The following TLR2 variants were observed in gnomAD, a reference collection of about 807,000 sequenced individuals.
TLR2 encodes the protein toll-like receptor 2.
TLR2 carries 7 observed loss-of-function variants against 9.1 expected under a neutral mutation model. The ratio of observed to expected loss-of-function variants is 0.77; its 90% CI spans 0.44 to 1.44. TLR2 has a LOEUF of 1.44. TLR2 is among the 40% of genes most tolerant of loss of function. The pLI, the probability that TLR2 is intolerant of heterozygous loss-of-function variation, is 0.01. For missense variants in TLR2, 812 were observed against 904.6 expected (o/e 0.90, Z 1.31); for synonymous variants, 317 against 344.6 (o/e 0.92, Z 0.89).
At chr4:153,693,789 G>C (rs747923330) in intron 2 of TLR2, among the ~76,000 whole-genome samples, 8 of 152,164 alleles carry the variant, frequency 5.3e-5, no homozygotes, top group Non-Finnish European at 1.0e-4. Context: ...ATGCTTCCGA[G>C]CTCCCCTTCT....
intron 2 of TLR2, 128 bp from the exon 3 acceptor site, chr4:153,702,762 TTG>T (rs141605367): frequency 0.13 from 54,514 of 411,208 alleles, 2,770 homozygotes; most frequent in Non-Finnish European, 0.15. Context: ...CTCTCTCTCT[TTG>T]TGTGTGTGTG....
downstream of TLR2, chr4:153,710,524 G>C: frequency 6.3e-7 from 1 of 1,594,642 alleles, no homozygotes; most frequent in South Asian, 1.1e-5. Flanking sequence ...TCTATATACA[G>C]CCAAGTAGCA....
chr4:153,704,002 G>A lies in TLR2; in HGVS notation c.1095G>A (p.Leu365=). 2 of 1,613,862 alleles carry A rather than the reference G, an allele frequency of 1.2e-6. No homozygotes were observed. The highest frequency in any genetic ancestry group is 1.7e-6 in the Non-Finnish European group (2 of 1,179,966). The part of the protein sequence containing the change: ...LSQHLKSLEY[L]DLSENLMVEE... The stretch of plus-strand genomic sequence containing the variant: ...AACATTTAAAATCATTAGAATACTT[G>A]GATCTCAGTGAAAATTTGATGGTTG... The change falls in exon 3 of 3, where the codon TTG becomes TTA. Residue 365 remains leucine (L), a synonymous_variant. Transcript: ENST00000642700.
chr4:153,706,744 T>C (rs191519605), downstream of TLR2, among the ~76,000 whole-genome samples: 2 of 152,336 alleles, frequency 1.3e-5, no homozygotes, highest in Non-Finnish European at 2.9e-5. Context: ...TGTGGTTAAT[T>C]GGGCACTAGA....
chr4:153,698,349 A>T (rs563757686), intron 2 of TLR2, among the ~76,000 whole-genome samples: 1 of 152,338 alleles, frequency 6.6e-6, no homozygotes, highest in South Asian at 2.1e-4. Context: ...AATTTGAAAG[A>T]ACACTATAAT....
In TLR2 at chr4:153,684,921, C is replaced by G. The variant is rs533416027; in HGVS notation, c.-163+561C>G. Among the ~76,000 whole-genome samples the G allele has an allele frequency of 3.3e-5, 5 of 152,320 alleles. 1 individual carries two copies. In the South Asian group the frequency reaches 1.0e-3, roughly 32 times the overall value. ...CCCCGCCTCCTGGCCCCTCTTGGCT[C>G]GGATGACAAAGATTGGGTAAAGGCT... is the stretch of plus-strand genomic sequence containing the variant. On this transcript the variant is annotated intron_variant, in intron 1 of 2. Coordinates refer to ENST00000642700, the MANE Select transcript of TLR2 (RefSeq NM_001318789.2).
chr4:153,699,633 G>T lies in TLR2; in HGVS notation c.-16-3259G>T, dbSNP rs1463793853. On this transcript the variant is annotated intron_variant, in intron 2 of 2. Coordinates refer to ENST00000642700, the MANE Select transcript of TLR2 (RefSeq NM_001318789.2). ...TGGTTTGTAGTGGGGCAGGGGGTGT[G>T]ATAGGGGACACTGTGTATAATAGCT... Among the ~76,000 whole-genome samples the T allele has an allele frequency of 3.9e-5, 6 of 152,160 alleles. 1 individual carries two copies. Among genetic ancestry groups the T allele is most frequent in the Admixed American group, 3.9e-4 (6 of 15,278 alleles).
In TLR2 at chr4:153,704,913, C is replaced by A. The variant is rs145936474; in HGVS notation, c.2006C>A (p.Pro669His). 7.4e-6 allele frequency: 12 copies of A among 1,613,324 alleles called. No individual in the cohort carries two copies. Among genetic ancestry groups the A allele is most frequent in the South Asian group, 1.1e-5 (1 of 91,048 alleles). ...CAGGAGCTGGAGAACTTCAATCCCCCCTTCAAGTTGTGTCTTCATAAGCGG... is the reference window on the plus strand; with the variant it reads ...CAGGAGCTGGAGAACTTCAATCCCCACTTCAAGTTGTGTCTTCATAAGCGG... The part of the protein sequence containing the change: ...MVQELENFNP[P>H]FKLCLHKRDF... The change falls in exon 3 of 3, where the codon CCC becomes CAC. Residue 669 changes from proline (P) to histidine (H), a missense_variant. Transcript: ENST00000642700.
At chr4:153,685,749 G>C (rs1735659913) in intron 1 of TLR2, among the ~76,000 whole-genome samples, 1 of 152,122 alleles carries the variant, frequency 6.6e-6, no homozygotes, top group Non-Finnish European at 1.5e-5. Flanking sequence ...TAAACTAACA[G>C]AGTAGAAAAA....
chr4:153,686,527 T>G (rs1206294363), intron 1 of TLR2, among the ~76,000 whole-genome samples: 2 of 152,178 alleles, frequency 1.3e-5, no homozygotes, highest in African/African-American at 4.8e-5. Context: ...AGTGAACAGA[T>G]GCAACCATTT....
chr4:153,692,870 A>C (rs1262245298), intron 2 of TLR2, among the ~76,000 whole-genome samples: 1 of 152,244 alleles, frequency 6.6e-6, no homozygotes, highest in African/African-American at 2.4e-5. Context: ...TGAATTGACC[A>C]TGCAGATGGC....
intron 2 of TLR2, among the ~76,000 whole-genome samples, chr4:153,697,965 A>G (rs1174052296): frequency 1.3e-5 from 2 of 152,182 alleles, no homozygotes; most frequent in Non-Finnish European, 2.9e-5. Context: ...AACTCTCATC[A>G]TATCTTTAAC....
intron 1 of TLR2, among the ~76,000 whole-genome samples, chr4:153,687,606 T>G (rs566794626): frequency 1.3e-3 from 197 of 152,304 alleles, no homozygotes; most frequent in African/African-American, 4.4e-3. Flanking sequence ...GCTTTTTTTT[T>G]GTAATTAATA....
intron 1 of TLR2, among the ~76,000 whole-genome samples, chr4:153,684,894 C>T (rs573801739): frequency 6.6e-6 from 1 of 150,856 alleles, no homozygotes; most frequent in South Asian, 2.1e-4. Context: ...TAGGGTCGCT[C>T]TCCCCGCCTC....
intron 2 of TLR2, among the ~76,000 whole-genome samples, chr4:153,695,138 G>T (rs555779371): frequency 8.5e-5 from 13 of 152,194 alleles, no homozygotes; most frequent in Non-Finnish European, 1.5e-4. Flanking sequence ...AAACATGGGC[G>T]TGCAGATATC....
In TLR2 at chr4:153,703,812, G is replaced by A. The variant is rs143866035; in HGVS notation, c.905G>A (p.Arg302Lys). 4.3e-6 allele frequency: 7 copies of A among 1,613,970 alleles called. No individual in the cohort carries two copies. Among genetic ancestry groups the A allele is most frequent in the Non-Finnish European group, 5.9e-6 (7 of 1,179,974 alleles). Residue 302 changes from arginine to lysine, a missense_variant, in exon 3 of 3, where the codon AGA becomes AAA. Coordinates refer to ENST00000642700, the MANE Select transcript of TLR2 (RefSeq NM_001318789.2). ...VGNFRASDND[R>K]VIDPGKVETL... ...AATTTTAGAGCATCTGATAATGACAGAGTTATAGATCCAGGTAAAGTGGAA... is the reference window on the plus strand; with the variant it reads ...AATTTTAGAGCATCTGATAATGACAAAGTTATAGATCCAGGTAAAGTGGAA...
In TLR2 at chr4:153,704,336, C is replaced by A. The variant is rs1446850700; in HGVS notation, c.1429C>A (p.Pro477Thr). ...TCTCAATTTATTTTCTTTGAATTTG[C>A]CGCAACTCAAAGAACTTTATATTTC... is the stretch of plus-strand genomic sequence containing the variant. ...NNLNLFSLNL[P>T]QLKELYISRN... Residue 477 changes from proline to threonine, a missense_variant, in exon 3 of 3, where the codon CCG becomes ACG. By Grantham distance (38) the Pro-to-Thr change is conservative. Coordinates refer to ENST00000642700, the MANE Select transcript of TLR2 (RefSeq NM_001318789.2). The A allele has an allele frequency of 4.3e-6, 7 of 1,613,374 alleles. No individual in the cohort carries two copies. The highest frequency in any genetic ancestry group is 1.7e-4 in the Middle Eastern group (1 of 6,058).
At chr4:153,695,563 T>A (rs1385704943) in intron 2 of TLR2, among the ~76,000 whole-genome samples, 1 of 152,248 alleles carries the variant, frequency 6.6e-6, no homozygotes, top group Non-Finnish European at 1.5e-5. Flanking sequence ...TCTCCTTATA[T>A]ATTCTGGTTA....
At chr4:153,698,641 G>GCT (rs1736672198) in intron 2 of TLR2, among the ~76,000 whole-genome samples, 1 of 152,080 alleles carries the variant, frequency 6.6e-6, no homozygotes. Context: ...TCAATGTTTG[G>GCT]TTTGTCAAAT....
Sources: allele counts gnomAD v4.1 joint callset (sites outside exome capture counted in the v4.1 genomes callset), GRCh38; gene constraint gnomAD v4.1.1; transcripts MANE v1.5; gene names NCBI Gene and HGNC (gene_info 2026-07-23, HGNC 2026-07-21).